Variants in KRTAP10-3 observed in about 807,000 individuals in gnomAD.
KRTAP10-3 encodes keratin-associated protein 10-3.
For missense variants in KRTAP10-3, 341 were observed against 293.4 expected (o/e 1.16, Z -1.19); for synonymous variants, 151 against 126.2 (o/e 1.20, Z -1.32).
At position 44,558,773 on chromosome 21, in the gene KRTAP10-3, G is replaced by T; in HGVS notation, c.-58C>A. 1 of 1,546,976 alleles carries T rather than the reference G, an allele frequency of 6.5e-7. No individual in the cohort carries two copies. Among genetic ancestry groups the T allele is most frequent in the Non-Finnish European group, 8.7e-7 (1 of 1,143,850 alleles). ...CGTGAGTGAGTGAGTGTGGGAGTGA[G>T]TGAGGGAGTGAGTGAGTGATCGTGC... is the stretch of plus-strand genomic sequence containing the variant. On this transcript the variant is annotated 5_prime_UTR_variant, in exon 1 of 1. Transcript: ENST00000391620.
rs782190680 is a variant in KRTAP10-3 at position 44,558,748 on chromosome 21, CGTGA to C, written c.-37_-34del. 15 of 1,571,426 alleles carry C rather than the reference CGTGA, an allele frequency of 9.5e-6. No individual in the cohort carries two copies. Among genetic ancestry groups the C allele is most frequent in the Admixed American group, 3.5e-5 (2 of 57,084 alleles). On this transcript the variant is annotated 5_prime_UTR_variant, in exon 1 of 1. Transcript: ENST00000391620. ...TGGGGAGGAGGTGAGCTGGGGGAGA[CGTGA>C]GTGAGTGAGTGTGGGAGTGAGTGAG... is the stretch of plus-strand genomic sequence containing the variant.
chr21:44,557,955 TG>T lies in KRTAP10-3; in HGVS notation c.*94del. ...TTGCTGGCTGGAGGTGCAGTGGCTA[TG>T]GGCAGAGGAGACTCAGACAGGGCTC... On this transcript the variant is annotated 3_prime_UTR_variant, in exon 1 of 1. Coordinates refer to ENST00000391620, the MANE Select transcript of KRTAP10-3 (RefSeq NM_198696.3). The T allele has an allele frequency of 7.1e-7, 1 of 1,407,920 alleles. No individual in the cohort carries two copies. The highest frequency in any genetic ancestry group is 9.6e-7 in the Non-Finnish European group (1 of 1,036,644). The allele number at this position is 1,407,920 out of a possible 1,614,324, so 87.2% of individuals were successfully genotyped here.
In KRTAP10-3 at chr21:44,558,017, C is replaced by T; in HGVS notation, c.*33G>A. ...GGATTTTCGGAAGTCAGAGATGGCC[C>T]TGGAACAACTCTGGAGAAACGGGAC... On this transcript the variant is annotated 3_prime_UTR_variant, in exon 1 of 1. Coordinates refer to ENST00000391620, the MANE Select transcript of KRTAP10-3 (RefSeq NM_198696.3). The T allele has an allele frequency of 1.3e-6, 2 of 1,577,896 alleles. No homozygotes were observed. Among genetic ancestry groups the T allele is most frequent in the Non-Finnish European group, 1.7e-6 (2 of 1,161,314 alleles).
rs782771098 is a variant in KRTAP10-3 at position 44,558,525 on chromosome 21, G to C, written c.191C>G (p.Pro64Arg). 6.2e-7 allele frequency: 1 copy of C among 1,613,568 alleles called. No homozygotes were observed. Among genetic ancestry groups the C allele is most frequent in the South Asian group, 1.1e-5 (1 of 91,050 alleles). ...GGTGCAGCCTGACTGGCAGGGGCTGGGCTCACAGGCCGCCTGGCAGCAGGG... is the reference window on the plus strand; with the variant it reads ...GGTGCAGCCTGACTGGCAGGGGCTGCGCTCACAGGCCGCCTGGCAGCAGGG... ...SSPCCQAACE[P>R]SPCQSGCTSS... Residue 64 changes from proline to arginine, a missense_variant, in exon 1 of 1, where the codon CCC (proline) becomes CGC (arginine). By Grantham distance (103) the Pro-to-Arg change is moderately radical. Coordinates refer to ENST00000391620, the MANE Select transcript of KRTAP10-3 (RefSeq NM_198696.3).
rs587740646 is a variant in KRTAP10-3, at chr21:44,558,707, C to T, written c.9G>A (p.Thr3=). The change falls in exon 1 of 1, where the codon ACG becomes ACA. Residue 3 remains threonine, a synonymous_variant. Transcript: ENST00000391620. MA[T]STMSVCSSAY... The stretch of plus-strand genomic sequence containing the variant: ...CGCTGGAGCAGACGGACATGGTAGA[C>T]GTGGCCATGCTGGGGTGGGGAGGAG... 10 of 1,600,078 alleles carry T rather than the reference C, an allele frequency of 6.2e-6. No individual in the cohort carries two copies. The East Asian group carries it at 1.1e-4, about 18-fold the overall frequency.
Position 44,558,510 on chromosome 21 carries a change from G to T in KRTAP10-3, c.206C>A (p.Ser69Ter). ...GGGCGTGCAGGAGCTGGTGCAGCCT[G>T]ACTGGCAGGGGCTGGGCTCACAGGC... ...QAACEPSPCQ[S>*]GCTSSCTPSC... The change falls in exon 1 of 1, where the codon TCA becomes TAA. Residue 69 changes from serine (S) to a stop codon, truncating the protein, a stop_gained. Coordinates refer to ENST00000391620, the MANE Select transcript of KRTAP10-3 (RefSeq NM_198696.3). LOFTEE classifies it low-confidence loss of function (END_TRUNC). 1 of 1,613,888 alleles carries T rather than the reference G, an allele frequency of 6.2e-7. No homozygotes were observed. Among genetic ancestry groups the T allele is most frequent in the Non-Finnish European group, 8.5e-7 (1 of 1,179,934 alleles).
In KRTAP10-3 at chr21:44,557,893, A is replaced by G; in HGVS notation, c.*157T>C. 3 of 861,034 alleles carry G rather than the reference A, an allele frequency of 3.5e-6. No individual in the cohort carries two copies. In the South Asian group the frequency reaches 5.4e-5, roughly 15 times the overall value. The allele number at this position is 861,034 out of a possible 1,614,324, so 53.3% of individuals were successfully genotyped here. ...GCATGGAGATGAGGGTGTGGGAGAG[A>G]TGCATGCCTGGAGGGAATCGGCATG... On this transcript the variant is annotated 3_prime_UTR_variant, in exon 1 of 1. Transcript: ENST00000391620.
chr21:44,558,002 A>C lies in KRTAP10-3; in HGVS notation c.*48T>G. On this transcript the variant is annotated 3_prime_UTR_variant, in exon 1 of 1. Coordinates refer to ENST00000391620, the MANE Select transcript of KRTAP10-3 (RefSeq NM_198696.3). ...GGCTCAGGGCTGCAAGGATTTTCGG[A>C]AGTCAGAGATGGCCCTGGAACAACT... 1 of 1,565,116 alleles carries C rather than the reference A, an allele frequency of 6.4e-7. No individual in the cohort carries two copies.
rs996694817 is a variant in KRTAP10-3, at chr21:44,558,380, G to A, written c.336C>T (p.Pro112=). The change falls in exon 1 of 1, where the codon CCC becomes CCT. Residue 112 remains proline, a synonymous_variant. Transcript: ENST00000391620. The stretch of plus-strand genomic sequence containing the variant: ...TGCAGCAGACAGGCTTGCAGCAGAC[G>A]GGCACACAGCAGACTGGCTTGCAGC... ...PVCCKPVCCV[P]VCCKPVCCKP... is the part of the protein sequence containing the mutation. The A allele has an allele frequency of 8.2e-5, 132 of 1,612,862 alleles. No homozygotes were observed. The highest frequency in any genetic ancestry group is 1.2e-4 in the Admixed American group (7 of 59,966).
rs781795160 is a variant in KRTAP10-3, at chr21:44,558,456, G to A, written c.260C>T (p.Pro87Leu). 5 of 1,613,906 alleles carry A rather than the reference G, an allele frequency of 3.1e-6. No individual in the cohort carries two copies. Among genetic ancestry groups the A allele is most frequent in the African/African-American group, 2.7e-5 (2 of 74,856 alleles). Residue 87 changes from proline to leucine, a missense_variant, in exon 1 of 1, where the codon CCA (proline) becomes CTA (leucine). Transcript: ENST00000391620. ...PSCCQQSSCQPACCTSSPCQQ... is the reference protein window; with the variant it reads ...PSCCQQSSCQLACCTSSPCQQ... ...GCAGGGGGAGGATGTGCAGCAAGCTGGCTGGCAGCTAGACTGCTGGCAGCA... is the reference window on the plus strand; with the variant it reads ...GCAGGGGGAGGATGTGCAGCAAGCTAGCTGGCAGCTAGACTGCTGGCAGCA...
chr21:44,558,595 G>A lies in KRTAP10-3; in HGVS notation c.121C>T (p.Pro41Ser), dbSNP rs2053583756. The change falls in exon 1 of 1, where the codon CCC (proline) becomes TCC (serine). Residue 41 changes from proline to serine, a missense_variant. Transcript: ENST00000391620. ...GGGGTGCAGACCAGGGTCAGGCAGGGGGCCGGGGCGCAGCAGCTGGTGGCG... is the reference window on the plus strand; with the variant it reads ...GGGGTGCAGACCAGGGTCAGGCAGGAGGCCGGGGCGCAGCAGCTGGTGGCG... ...CCATSCCAPA[P>S]CLTLVCTPVS... 6.2e-7 allele frequency: 1 copy of A among 1,611,616 alleles called. No homozygotes were observed. The highest frequency in any genetic ancestry group is 1.1e-5 in the South Asian group (1 of 90,876).
chr21:44,558,324 C>T lies in KRTAP10-3; in HGVS notation c.392G>A (p.Gly131Glu), dbSNP rs782345193. 24 of 1,613,886 alleles carry T rather than the reference C, an allele frequency of 1.5e-5. No individual in the cohort carries two copies. The highest frequency in any genetic ancestry group is 6.7e-5 in the East Asian group (3 of 44,874). Residue 131 changes from glycine (G) to glutamate (E), a missense_variant, in exon 1 of 1, where the codon GGG becomes GAG. Gly to Glu is a moderately conservative substitution (Grantham distance 98, BLOSUM62 -2). Coordinates refer to ENST00000391620, the MANE Select transcript of KRTAP10-3 (RefSeq NM_198696.3). ...CTGCTGGCAGCATGAAGAGGAAGCCCCAGAGCAGACGGGCACACAGCAGAT... is the reference window on the plus strand; with the variant it reads ...CTGCTGGCAGCATGAAGAGGAAGCCTCAGAGCAGACGGGCACACAGCAGAT... ...KPICCVPVCSGASSSCCQQSS... is the reference protein window; with the variant it reads ...KPICCVPVCSEASSSCCQQSS...
chr21:44,557,821 G>T lies in KRTAP10-3; in HGVS notation c.*229C>A. 1.7e-6 allele frequency: 1 copy of T among 596,956 alleles called. No individual in the cohort carries two copies. The allele number at this position is 596,956 out of a possible 1,614,324, so 37.0% of individuals were successfully genotyped here. Reference sequence around the variant, plus strand: ...ACATTGGTGACTTTATTTGTTGACAGACTGATCACTCACATGGGGCAGGAC... The same window carrying T: ...ACATTGGTGACTTTATTTGTTGACATACTGATCACTCACATGGGGCAGGAC... On this transcript the variant is annotated 3_prime_UTR_variant, in exon 1 of 1. Transcript: ENST00000391620.
In KRTAP10-3 at chr21:44,558,584, G is replaced by C. The variant is rs369189139; in HGVS notation, c.132C>G (p.Thr44=). Residue 44 remains threonine, a synonymous_variant, in exon 1 of 1, where the codon ACC becomes ACG. Coordinates refer to ENST00000391620, the MANE Select transcript of KRTAP10-3 (RefSeq NM_198696.3). ...TSCCAPAPCL[T]LVCTPVSCVS... ...CACAGCTCACTGGGGTGCAGACCAG[G>C]GTCAGGCAGGGGGCCGGGGCGCAGC... 6.2e-7 allele frequency: 1 copy of C among 1,611,736 alleles called. No homozygotes were observed. The highest frequency in any genetic ancestry group is 8.5e-7 in the Non-Finnish European group (1 of 1,178,994).
rs1555920081 is a variant in KRTAP10-3, at chr21:44,557,883, T to G, written c.*167A>C. 1.3e-6 allele frequency: 1 copy of G among 772,354 alleles called. No homozygotes were observed. 47.8% of individuals were successfully genotyped at this position (772,354 alleles called of 1,614,324 possible). On this transcript the variant is annotated 3_prime_UTR_variant, in exon 1 of 1. Coordinates refer to ENST00000391620, the MANE Select transcript of KRTAP10-3 (RefSeq NM_198696.3). ...CGGCTGGCCAGCATGGAGATGAGGG[T>G]GTGGGAGAGATGCATGCCTGGAGGG...
rs2053575901 is a variant in KRTAP10-3 at position 44,558,364 on chromosome 21, C to T, written c.352G>A (p.Val118Ile). 1 of 1,612,724 alleles carries T rather than the reference C, an allele frequency of 6.2e-7. No individual in the cohort carries two copies. The highest frequency in any genetic ancestry group is 8.5e-7 in the Non-Finnish European group (1 of 1,179,398). The change falls in exon 1 of 1, where the codon GTC becomes ATC. Residue 118 changes from valine (V) to isoleucine (I), a missense_variant. Physicochemically the swap from Val to Ile is conservative, Grantham distance 29. Transcript: ENST00000391620. ...VCCVPVCCKP[V>I]CCKPICCVPV... ...ACACAGCAGATGGGCTTGCAGCAGA[C>T]AGGCTTGCAGCAGACGGGCACACAG... is the stretch of plus-strand genomic sequence containing the variant.
At position 44,558,085 on chromosome 21, in the gene KRTAP10-3, A is replaced by G. The variant is rs781913891; in HGVS notation, c.631T>C (p.Cys211Arg). ...PTCSRLSSAC[C>R]GLSSGQKSSC The stretch of plus-strand genomic sequence containing the variant: ...GACTTCTGGCCTGAGGAGAGGCCGC[A>G]GCACGCGGAAGAGAGGCGGGAGCAC... Residue 211 changes from cysteine (C) to arginine (R), a missense_variant, in exon 1 of 1, where the codon TGC (cysteine) becomes CGC (arginine). By Grantham distance (180) the Cys-to-Arg change is radical. Coordinates refer to ENST00000391620, the MANE Select transcript of KRTAP10-3 (RefSeq NM_198696.3). 6.2e-7 allele frequency: 1 copy of G among 1,612,112 alleles called. No homozygotes were observed. The highest frequency in any genetic ancestry group is 8.5e-7 in the Non-Finnish European group (1 of 1,178,822).
chr21:44,558,446 G>T lies in KRTAP10-3; in HGVS notation c.270C>A (p.Cys90Ter). 1 of 1,614,082 alleles carries T rather than the reference G, an allele frequency of 6.2e-7. No homozygotes were observed. Among genetic ancestry groups the T allele is most frequent in the African/African-American group, 1.3e-5 (1 of 75,040 alleles). The change falls in exon 1 of 1, where the codon TGC (cysteine) becomes TGA (stop). Residue 90 changes from cysteine (C) to a stop codon, truncating the protein, a stop_gained. Coordinates refer to ENST00000391620, the MANE Select transcript of KRTAP10-3 (RefSeq NM_198696.3). LOFTEE classifies it low-confidence loss of function (END_TRUNC). ...AGGCCTGCTGGCAGGGGGAGGATGT[G>T]CAGCAAGCTGGCTGGCAGCTAGACT... ...CQQSSCQPAC[C>*]TSSPCQQACC... is the part of the protein sequence containing the mutation.
At position 44,558,223 on chromosome 21, in the gene KRTAP10-3, C is replaced by T. The variant is rs782807699; in HGVS notation, c.493G>A (p.Val165Met). The T allele has an allele frequency of 8.9e-6, 14 of 1,566,292 alleles. No individual in the cohort carries two copies. The highest frequency in any genetic ancestry group is 2.3e-5 in the East Asian group (1 of 43,240). ...GGCACACAGCAGGTGGACCTGCACA[C>T]GGGGCGGCAGAGGAGGGACACGGAG... is the stretch of plus-strand genomic sequence containing the variant. ...SSSVSLLCRP[V>M]CRSTCCVPIP... Residue 165 changes from valine to methionine, a missense_variant, in exon 1 of 1, where the codon GTG becomes ATG. Val to Met is a conservative substitution (Grantham distance 21). Coordinates refer to ENST00000391620, the MANE Select transcript of KRTAP10-3 (RefSeq NM_198696.3).
Sources: allele counts gnomAD v4.1 joint callset, GRCh38; gene constraint gnomAD v4.1.1; transcripts MANE v1.5; gene names NCBI Gene and HGNC (gene_info 2026-07-23, HGNC 2026-07-21).